The following KRTAP10-7 variants were observed in gnomAD, a reference collection of about 807,000 sequenced individuals.
The protein encoded by KRTAP10-7 is keratin associated protein 10-7, also known as keratin-associated protein 10-7.
For synonymous variants in KRTAP10-7, 162 were observed against 199.6 expected (o/e 0.81, Z 1.59); for missense variants, 394 against 474.3 (o/e 0.83, Z 1.57).
At position 44,601,643 on chromosome 21, in the gene KRTAP10-7, G is replaced by T. The variant is rs782781389; in HGVS notation, c.1022G>T (p.Arg341Leu). 2 of 1,611,984 alleles carry T rather than the reference G, an allele frequency of 1.2e-6. No homozygotes were observed. The highest frequency in any genetic ancestry group is 1.7e-5 in the Admixed American group (1 of 59,962). The stretch of plus-strand genomic sequence containing the variant: ...TCCTCCTGCCAGGCCAGCTGCTGCC[G>T]CCCAGCCTCCTGTGTGTCTCTCCTT... ...PTSSCQASCC[R>L]PASCVSLLCR... Residue 341 changes from arginine to leucine, a missense_variant, in exon 1 of 1, where the codon CGC becomes CTC. Coordinates refer to ENST00000609664, the MANE Select transcript of KRTAP10-7 (RefSeq NM_198689.3).
At position 44,601,457 on chromosome 21, in the gene KRTAP10-7, T is replaced by C; in HGVS notation, c.836T>C (p.Val279Ala). Reference protein sequence around the residue: ...VCCKPVCCVPVCSGASTSCCQ... With the variant: ...VCCKPVCCVPACSGASTSCCQ... ...TGTAAGCCTGTGTGCTGTGTGCCCG[T>C]CTGCTCTGGGGCTTCCACTTCATGC... The change falls in exon 1 of 1, where the codon GTC (valine) becomes GCC (alanine). Residue 279 changes from valine (V) to alanine (A), a missense_variant. Val to Ala is a moderately conservative substitution (Grantham distance 64). Coordinates refer to ENST00000609664, the MANE Select transcript of KRTAP10-7 (RefSeq NM_198689.3). The C allele has an allele frequency of 3.7e-6, 6 of 1,610,488 alleles. No homozygotes were observed. In the African/African-American group the frequency reaches 4.1e-5, roughly 11 times the overall value.
Position 44,601,685 on chromosome 21 carries a change from C to T in KRTAP10-7, c.1064C>T (p.Ser355Phe), listed in dbSNP as rs138554312. ...CVSLLCRPACSRPACCGPTST... is the reference protein window; with the variant it reads ...CVSLLCRPACFRPACCGPTST... ...TCTCTCCTTTGCCGCCCCGCATGCTCCCGCCCGGCCTGCTGTGGCCCCACC... is the reference window on the plus strand; with the variant it reads ...TCTCTCCTTTGCCGCCCCGCATGCTTCCGCCCGGCCTGCTGTGGCCCCACC... The change falls in exon 1 of 1, where the codon TCC becomes TTC. Residue 355 changes from serine to phenylalanine, a missense_variant. Ser to Phe is a radical substitution (Grantham distance 155). Coordinates refer to ENST00000609664, the MANE Select transcript of KRTAP10-7 (RefSeq NM_198689.3). 16 of 1,612,446 alleles carry T rather than the reference C, an allele frequency of 9.9e-6. No individual in the cohort carries two copies. The Admixed American group carries it at 1.2e-4, about 12-fold the overall frequency.
rs782051533 is a variant in KRTAP10-7 at position 44,601,447 on chromosome 21, T to C, written c.826T>C (p.Cys276Arg). The change falls in exon 1 of 1, where the codon TGT becomes CGT. Residue 276 changes from cysteine to arginine, a missense_variant. Coordinates refer to ENST00000609664, the MANE Select transcript of KRTAP10-7 (RefSeq NM_198689.3). Reference sequence around the variant, plus strand: ...GCCCGTCTGCTGTAAGCCTGTGTGCTGTGTGCCCGTCTGCTCTGGGGCTTC... The same window carrying C: ...GCCCGTCTGCTGTAAGCCTGTGTGCCGTGTGCCCGTCTGCTCTGGGGCTTC... ...CVPVCCKPVC[C>R]VPVCSGASTS... 2 of 1,611,630 alleles carry C rather than the reference T, an allele frequency of 1.2e-6. No individual in the cohort carries two copies. Among genetic ancestry groups the C allele is most frequent in the Admixed American group, 3.3e-5 (2 of 59,830 alleles).
Position 44,601,206 on chromosome 21 carries a change from C to T in KRTAP10-7, c.585C>T (p.Pro195=), listed in dbSNP as rs1354675714. Residue 195 remains proline (P), a synonymous_variant, in exon 1 of 1, where the codon CCC becomes CCT. Transcript: ENST00000609664. Reference sequence around the variant, plus strand: ...GCCAGGCGGTCTGTGAGCCCAGCCCCTGCCAATCAGGCTGCATCAGCTCCT... The same window carrying T: ...GCCAGGCGGTCTGTGAGCCCAGCCCTTGCCAATCAGGCTGCATCAGCTCCT... ...PCCQAVCEPS[P]CQSGCISSCT... is the part of the protein sequence containing the mutation. 6.2e-7 allele frequency: 1 copy of T among 1,602,362 alleles called. No homozygotes were observed. Among genetic ancestry groups the T allele is most frequent in the Non-Finnish European group, 8.5e-7 (1 of 1,177,516 alleles).
chr21:44,600,944 C>T lies in KRTAP10-7; in HGVS notation c.323C>T (p.Ala108Val). The change falls in exon 1 of 1, where the codon GCC becomes GTC. Residue 108 changes from alanine to valine, a missense_variant. By Grantham distance (64) the Ala-to-Val change is moderately conservative. Coordinates refer to ENST00000609664, the MANE Select transcript of KRTAP10-7 (RefSeq NM_198689.3). ...ACCASSPCQQ[A>V]CCVPVCCKTV... ...TGTGCCTCCTCCCCCTGCCAGCAGG[C>T]CTGCTGCGTGCCCGTCTGCTGCAAG... 1 of 1,612,158 alleles carries T rather than the reference C, an allele frequency of 6.2e-7. No individual in the cohort carries two copies. Among genetic ancestry groups the T allele is most frequent in the Non-Finnish European group, 8.5e-7 (1 of 1,179,746 alleles).
chr21:44,601,394 C>T lies in KRTAP10-7; in HGVS notation c.773C>T (p.Ser258Phe), dbSNP rs1555928734. ...GSCCQPACCT[S>F]SQSQQGCCVP... ...TGCTGCCAGCCAGCTTGCTGCACCT[C>T]CTCCCAAAGCCAGCAGGGCTGCTGC... Residue 258 changes from serine (S) to phenylalanine (F), a missense_variant, in exon 1 of 1, where the codon TCC becomes TTC. By Grantham distance (155) the Ser-to-Phe change is radical. Transcript: ENST00000609664. The T allele has an allele frequency of 6.2e-7, 1 of 1,612,562 alleles. No homozygotes were observed. The highest frequency in any genetic ancestry group is 8.5e-7 in the Non-Finnish European group (1 of 1,179,228).
At position 44,600,948 on chromosome 21, in the gene KRTAP10-7, C is replaced by T. The variant is rs782768973; in HGVS notation, c.327C>T (p.Cys109=). The T allele has an allele frequency of 8.1e-6, 13 of 1,612,344 alleles. No homozygotes were observed. Among genetic ancestry groups the T allele is most frequent in the African/African-American group, 4.1e-5 (3 of 73,918 alleles). The change falls in exon 1 of 1, where the codon TGC becomes TGT. Residue 109 remains cysteine (C), a synonymous_variant. Transcript: ENST00000609664. ...CCTCCTCCCCCTGCCAGCAGGCCTG[C>T]TGCGTGCCCGTCTGCTGCAAGACTG... ...CCASSPCQQA[C]CVPVCCKTVC...
chr21:44,600,852 C>A, the KRTAP10-7 span: 9 of 1,609,582 alleles, frequency 5.6e-6, no homozygotes, highest in Non-Finnish European at 6.8e-6. Context: ...CCAGCCCCTG[C>A]CAATCAGGCT....
chr21:44,601,469 C>T lies in KRTAP10-7; in HGVS notation c.848C>T (p.Ala283Val). 1 of 1,610,000 alleles carries T rather than the reference C, an allele frequency of 6.2e-7. No individual in the cohort carries two copies. ...PVCCVPVCSG[A>V]STSCCQQSSC... ...TGCTGTGTGCCCGTCTGCTCTGGGG[C>T]TTCCACTTCATGCTGCCAGCAGTCT... The change falls in exon 1 of 1, where the codon GCT becomes GTT. Residue 283 changes from alanine to valine, a missense_variant. By Grantham distance (64) the Ala-to-Val change is moderately conservative. Transcript: ENST00000609664.
Position 44,602,080 on chromosome 21 carries a change from C to T in KRTAP10-7, c.*346C>T, listed in dbSNP as rs587627723. ...TGTCCCAGCTCAGTGGCGAGCCCTGCTCCTCCCCTGCTGTGGGCCTGGGCC... is the reference window on the plus strand; with the variant it reads ...TGTCCCAGCTCAGTGGCGAGCCCTGTTCCTCCCCTGCTGTGGGCCTGGGCC... On this transcript the variant is annotated 3_prime_UTR_variant, in exon 1 of 1. Transcript: ENST00000609664. 3.6e-5 allele frequency: 15 copies of T among 412,500 alleles called. No individual in the cohort carries two copies. Among genetic ancestry groups the T allele is most frequent in the African/African-American group, 3.0e-4 (15 of 49,914 alleles). 25.6% of individuals were successfully genotyped at this position (412,500 alleles called of 1,614,324 possible).
chr21:44,601,332 C>G lies in KRTAP10-7; in HGVS notation c.711C>G (p.Val237=). Residue 237 remains valine (V), a synonymous_variant, in exon 1 of 1, where the codon GTC becomes GTG. Transcript: ENST00000609664. ...GTGTGCCTGTCTGCTGCAAGCCCGTCTGCTGTGTGCCCACCTGCTCTGATG... is the reference window on the plus strand; with the variant it reads ...GTGTGCCTGTCTGCTGCAAGCCCGTGTGCTGTGTGCCCACCTGCTCTGATG... ...ACCVPVCCKP[V]CCVPTCSDDS... The G allele has an allele frequency of 6.2e-7, 1 of 1,613,294 alleles. No individual in the cohort carries two copies. The highest frequency in any genetic ancestry group is 8.5e-7 in the Non-Finnish European group (1 of 1,179,584).
chr21:44,601,283 C>T lies in KRTAP10-7; in HGVS notation c.662C>T (p.Ser221Phe), dbSNP rs1555928681. Reference sequence around the variant, plus strand: ...AGCTGCAAGCCGGCTTGCTGCACCTCCTCCCCTTGCCAGCAGGCCTGCTGT... The same window carrying T: ...AGCTGCAAGCCGGCTTGCTGCACCTTCTCCCCTTGCCAGCAGGCCTGCTGT... ...QSSCKPACCT[S>F]SPCQQACCVP... Residue 221 changes from serine (S) to phenylalanine (F), a missense_variant, in exon 1 of 1, where the codon TCC becomes TTC. Transcript: ENST00000609664. 6.2e-7 allele frequency: 1 copy of T among 1,609,232 alleles called. No individual in the cohort carries two copies. Among genetic ancestry groups the T allele is most frequent in the African/African-American group, 1.4e-5 (1 of 73,254 alleles).
Position 44,601,419 on chromosome 21 carries a change from C to T in KRTAP10-7, c.798C>T (p.Cys266=), listed in dbSNP as rs1293397505. The T allele has an allele frequency of 1.9e-5, 30 of 1,611,242 alleles. No homozygotes were observed. The highest frequency in any genetic ancestry group is 5.5e-5 in the South Asian group (5 of 90,730). ...CTSSQSQQGC[C]VPVCCKPVCC... ...CCTCCCAAAGCCAGCAGGGCTGCTG[C>T]GTGCCCGTCTGCTGTAAGCCTGTGT... Residue 266 remains cysteine (C), a synonymous_variant, in exon 1 of 1, where the codon TGC becomes TGT. Coordinates refer to ENST00000609664, the MANE Select transcript of KRTAP10-7 (RefSeq NM_198689.3).
rs587638590 is a variant in KRTAP10-7 at position 44,601,344 on chromosome 21, C to T, written c.723C>T (p.Pro241=). The T allele has an allele frequency of 4.3e-6, 7 of 1,613,362 alleles. No homozygotes were observed. Among genetic ancestry groups the T allele is most frequent in the Admixed American group, 1.7e-5 (1 of 59,994 alleles). Reference sequence around the variant, plus strand: ...GCTGCAAGCCCGTCTGCTGTGTGCCCACCTGCTCTGATGATTCCGGTTCAT... The same window carrying T: ...GCTGCAAGCCCGTCTGCTGTGTGCCTACCTGCTCTGATGATTCCGGTTCAT... The part of the protein sequence containing the change: ...PVCCKPVCCV[P]TCSDDSGSCC... Residue 241 remains proline, a synonymous_variant, in exon 1 of 1, where the codon CCC becomes CCT. Transcript: ENST00000609664.
Position 44,600,615 on chromosome 21 carries a change from C to T in KRTAP10-7, c.-7C>T, listed in dbSNP as rs1980737543. 1 of 1,610,116 alleles carries T rather than the reference C, an allele frequency of 6.2e-7. No individual in the cohort carries two copies. Among genetic ancestry groups the T allele is most frequent in the African/African-American group, 1.3e-5 (1 of 74,904 alleles). ...TCACTCCCATCTCCTCCAGTTCAAT[C>T]CCCAGCATGGCTGCGTCCACTATGT... On this transcript the variant is annotated 5_prime_UTR_variant, in exon 1 of 1. Coordinates refer to ENST00000609664, the MANE Select transcript of KRTAP10-7 (RefSeq NM_198689.3).
At position 44,601,969 on chromosome 21, in the gene KRTAP10-7, C is replaced by A. The variant is rs1275309422; in HGVS notation, c.*235C>A. On this transcript the variant is annotated 3_prime_UTR_variant, in exon 1 of 1. Transcript: ENST00000609664. ...CCCCAGCAACAGGTGGGCAGTGACC[C>A]CAGCAAGGCCAGCGGGTGCTCCCAG... 1.1e-5 allele frequency: 7 copies of A among 637,636 alleles called. No homozygotes were observed. In the Admixed American group the frequency reaches 2.1e-4, roughly 19 times the overall value. The allele number at this position is 637,636 out of a possible 1,614,324, so 39.5% of individuals were successfully genotyped here.
chr21:44,601,902 TTCTCC>T lies in KRTAP10-7; in HGVS notation c.*169_*173del. On this transcript the variant is annotated 3_prime_UTR_variant, in exon 1 of 1. Transcript: ENST00000609664. Reference sequence around the variant, plus strand: ...CTCCTCCTAGAAGCAGCTCAGCTGTTTCTCCAAGTCTTGACTTTCCCCCAATTACC... The same window carrying T: ...CTCCTCCTAGAAGCAGCTCAGCTGTTAAGTCTTGACTTTCCCCCAATTACC... 1.0e-6 allele frequency: 1 copy of T among 1,003,188 alleles called. No individual in the cohort carries two copies. The highest frequency in any genetic ancestry group is 1.4e-6 in the Non-Finnish European group (1 of 692,676). The allele number at this position is 1,003,188 out of a possible 1,614,324, so 62.1% of individuals were successfully genotyped here. A position where few individuals can be genotyped will look rare whatever the true frequency, so the allele number is the denominator to read the frequency against.
rs782674228 is a variant in KRTAP10-7, at chr21:44,601,728, C to A, written c.1107C>A (p.Ser369Arg). 2.5e-6 allele frequency: 4 copies of A among 1,610,044 alleles called. No homozygotes were observed. The South Asian group carries it at 4.4e-5, about 18-fold the overall frequency. ...GCCCCACCTCAACCCAGAAGTCCAG[C>A]TGCTGAGTGATCTCCTTAAGATCAT... ...CCGPTSTQKS[S>R]C Residue 369 changes from serine to arginine, a missense_variant, in exon 1 of 1, where the codon AGC becomes AGA. Physicochemically the swap from Ser to Arg is moderately radical, Grantham distance 110 (BLOSUM62 -1). Transcript: ENST00000609664.
At position 44,601,504 on chromosome 21, in the gene KRTAP10-7, C is replaced by A. The variant is rs782290027; in HGVS notation, c.883C>A (p.Pro295Thr). Residue 295 changes from proline (P) to threonine (T), a missense_variant, in exon 1 of 1, where the codon CCG becomes ACG. Physicochemically the swap from Pro to Thr is conservative, Grantham distance 38 (BLOSUM62 -1). Transcript: ENST00000609664. Reference protein sequence around the residue: ...TSCCQQSSCQPACCTTSCCRP... With the variant: ...TSCCQQSSCQTACCTTSCCRP... ...ATGCTGCCAGCAGTCTAGCTGCCAG[C>A]CGGCTTGCTGCACCACCTCCTGCTG... 1.2e-5 allele frequency: 19 copies of A among 1,612,726 alleles called. No individual in the cohort carries two copies. In the East Asian group the frequency reaches 2.0e-4, roughly 17 times the overall value.
Sources: allele counts gnomAD v4.1 joint callset, GRCh38; gene constraint gnomAD v4.1.1; transcripts MANE v1.5; gene names NCBI Gene and HGNC (gene_info 2026-07-23, HGNC 2026-07-21).